SMG6: variants seen among roughly 807,000 people sequenced by gnomAD.
SMG6 encodes telomerase-binding protein EST1A.
SMG6 carries 66 observed loss-of-function variants against 142.2 expected under a neutral mutation model. The ratio of observed to expected loss-of-function variants is 0.46; its 90% CI spans 0.38 to 0.57. The LOEUF (loss-of-function observed/expected upper bound fraction) is 0.57. Ranked by LOEUF, SMG6 falls within the 20% of genes least tolerant of loss-of-function variation. SMG6 has a pLI of 0.00. For synonymous variants in SMG6, 779 were observed against 702.4 expected (o/e 1.11, Z -1.72); for missense variants, 1,793 against 1,832.0 (o/e 0.98, Z 0.39).
chr17:2,248,053 C>T (rs1315703586), intron 8 of SMG6, among the ~76,000 whole-genome samples: 2 of 152,112 alleles, frequency 1.3e-5, no homozygotes, highest in African/African-American at 4.8e-5. Context: ...CTGCAGTGAG[C>T]CGAGATCACA....
chr17:2,082,851 TATA>T (rs879398186), intron 14 of SMG6, among the ~76,000 whole-genome samples: 4 of 152,234 alleles, frequency 2.6e-5, no homozygotes, highest in Admixed American at 2.6e-4. Flanking sequence ...CTAACTGGAT[TATA>T]ATAATGACAG....
intron 13 of SMG6, among the ~76,000 whole-genome samples, chr17:2,093,145 G>C (rs960986609): frequency 2.6e-5 from 4 of 151,042 alleles, no homozygotes; most frequent in African/African-American, 7.3e-5. Context: ...AGTGAGCTCA[G>C]ATCGTTCTAT....
intron 12 of SMG6, among the ~76,000 whole-genome samples, chr17:2,176,654 T>C (rs1597528414): frequency 6.6e-6 from 1 of 151,410 alleles, no homozygotes; most frequent in Non-Finnish European, 1.5e-5. Flanking sequence ...GGCCAGGGAG[T>C]CTCTCAGCAG....
chr17:2,213,251 C>T lies in SMG6; in HGVS notation c.2869+23241G>A, dbSNP rs764451091. Among the ~76,000 whole-genome samples, 5 of 152,218 alleles carry T rather than the reference C, an allele frequency of 3.3e-5. 1 individual carries two copies. The highest frequency in any genetic ancestry group is 7.3e-5 in the Non-Finnish European group (5 of 68,038). On this transcript the variant is annotated intron_variant, in intron 10 of 18. Coordinates refer to ENST00000263073, the MANE Select transcript of SMG6 (RefSeq NM_017575.5). The stretch of plus-strand genomic sequence containing the variant: ...AAAGCACTTTCTTTTTGAGCTCCTC[C>T]AATGGAGAGGTAAACAAATCAATTA...
At chr17:2,159,840 G>A (rs772583389) in intron 13 of SMG6, among the ~76,000 whole-genome samples, 12 of 152,048 alleles carry the variant, frequency 7.9e-5, no homozygotes, top group Non-Finnish European at 1.0e-4. Context: ...ATCAATAAAC[G>A]ACTGAAAAAA....
chr17:2,300,789 A>C, intron 1 of SMG6, 125 bp from the exon 2 acceptor site: 1 of 806,288 alleles, frequency 1.2e-6, no homozygotes, highest in Non-Finnish European at 1.9e-6. Context: ...ACATATCCAA[A>C]TGCTAATACT....
intron 8 of SMG6, among the ~76,000 whole-genome samples, chr17:2,251,588 C>A (rs2074047473): frequency 6.6e-6 from 1 of 152,158 alleles, no homozygotes; most frequent in African/African-American, 2.4e-5. Context: ...ACTAACGCAC[C>A]CCTTGAAACA....
Position 2,298,014 on chromosome 17 carries a change from T to A in SMG6, c.1889A>T (p.Asp630Val), listed in dbSNP as rs1337342747. The change falls in exon 3 of 19, where the codon GAT (aspartate) becomes GTT (valine). Residue 630 changes from aspartate to valine, a missense_variant. By Grantham distance (152) the Asp-to-Val change is radical. Coordinates refer to ENST00000263073, the MANE Select transcript of SMG6 (RefSeq NM_017575.5). ...ATTCTGATTATCAGAGAACTCAATA[T>A]CTAATAGAATACAGCGCTCATATAG... ...LQLYERCILL[D>V]IEFSDNQNVD... The A allele has an allele frequency of 1.2e-6, 2 of 1,612,804 alleles. No individual in the cohort carries two copies. Among genetic ancestry groups the A allele is most frequent in the Non-Finnish European group, 1.7e-6 (2 of 1,179,968 alleles).
intron 10 of SMG6, chr17:2,232,864 C>A (rs978314533): frequency 3.3e-5 from 5 of 152,154 alleles, no homozygotes; most frequent in African/African-American, 1.2e-4. Flanking sequence ...AGAGTGGGCT[C>A]CTAGGAAAAC....
At chr17:2,087,508 T>A (rs1044966215) in intron 13 of SMG6, 5 of 1,042,284 alleles carry the variant, frequency 4.8e-6, no homozygotes, top group Middle Eastern at 4.7e-4. Context: ...TCAAGCTAAG[T>A]ACTTTGACCA....
intron 8 of SMG6, among the ~76,000 whole-genome samples, chr17:2,256,661 G>C (rs570255541): frequency 2.6e-5 from 4 of 152,186 alleles, no homozygotes; most frequent in Non-Finnish European, 4.4e-5. Flanking sequence ...TGTAGTTCTA[G>C]CTACTTGTGA....
Position 2,282,559 on chromosome 17 carries a change from G to C in SMG6, c.2661+88C>G, listed in dbSNP as rs140030745. On this transcript the variant is annotated intron_variant, in intron 8 of 18. Coordinates refer to ENST00000263073, the MANE Select transcript of SMG6 (RefSeq NM_017575.5). ...GGTTTGTCTTCCTTGCAATCAGTGG[G>C]AAGTATCTGTGCCTCACAGCTGTAT... 5.5e-3 allele frequency: 7,158 copies of C among 1,297,092 alleles called. 24 individuals carry two copies. The highest frequency in any genetic ancestry group is 7.2e-3 in the Non-Finnish European group (6,517 of 900,838). 80.3% of individuals were successfully genotyped at this position (1,297,092 alleles called of 1,614,324 possible). A position where few individuals can be genotyped will look rare whatever the true frequency, so the allele number is the denominator to read the frequency against.
At chr17:2,251,016 C>T (rs531043241) in intron 8 of SMG6, among the ~76,000 whole-genome samples, 3 of 152,190 alleles carry the variant, frequency 2.0e-5, no homozygotes, top group East Asian at 3.9e-4. Context: ...AACATACCAA[C>T]TTGCCCACTG....
Position 2,068,752 on chromosome 17 carries a change from C to A in SMG6, c.3835+26G>T. The A allele has an allele frequency of 3.7e-6, 6 of 1,609,308 alleles. No homozygotes were observed. Among genetic ancestry groups the A allele is most frequent in the Non-Finnish European group, 5.1e-6 (6 of 1,177,520 alleles). On this transcript the variant is annotated intron_variant, in intron 16 of 18. Transcript: ENST00000263073. This position sits in a 1 kb window ranked among gnomAD's most constrained non-coding sequence, Gnocchi z 6.7. ...GGGGGCTGCTGTGCACATGCAAGGC[C>A]GCTCTGCCCTTCCCGCCTGACTCAC...
intron 10 of SMG6, among the ~76,000 whole-genome samples, chr17:2,230,384 A>G (rs973753839): frequency 4.6e-5 from 7 of 151,052 alleles, no homozygotes; most frequent in Admixed American, 4.6e-4. Flanking sequence ...ACGGCAAAAG[A>G]AACGAAATCT....
chr17:2,257,317 C>T (rs972362689), intron 8 of SMG6, among the ~76,000 whole-genome samples: 3 of 152,058 alleles, frequency 2.0e-5, no homozygotes, highest in African/African-American at 7.2e-5. Flanking sequence ...ATCTCTTGAG[C>T]TCGTGATCTG....
At chr17:2,125,458 CCAAA>C (rs559932467) in intron 13 of SMG6, among the ~76,000 whole-genome samples, 75 of 152,268 alleles carry the variant, frequency 4.9e-4, no homozygotes, top group Middle Eastern at 6.8e-3. Context: ...TACAATATGG[CCAAA>C]CAAATTTAAA....
At chr17:2,217,087 T>C (rs1229823108) in intron 10 of SMG6, among the ~76,000 whole-genome samples, 1 of 152,162 alleles carries the variant, frequency 6.6e-6, no homozygotes, top group Non-Finnish European at 1.5e-5. Context: ...ATGTATTCCA[T>C]CCACAAGGTA....
chr17:2,245,365 C>T (rs1430077111), intron 8 of SMG6, among the ~76,000 whole-genome samples: 1 of 152,078 alleles, frequency 6.6e-6, no homozygotes, highest in African/African-American at 2.4e-5. Flanking sequence ...TAGGCCCAAG[C>T]TGGAAACTGC....
Sources: gnomAD v4.1 joint callset for allele counts (sites outside exome capture counted in the v4.1 genomes callset) on GRCh38, gnomAD v4.1.1 for gene constraint, Gnocchi (gnomAD v3.1) non-coding constraint, MANE v1.5 for transcripts, NCBI Gene and HGNC (gene_info 2026-07-23, HGNC 2026-07-21) for gene names.